The following DST variants were observed in gnomAD, a reference collection of about 807,000 sequenced individuals.
DST encodes dystonin, also known as bullous pemphigoid antigen.
Under a neutral mutation model 875.2 loss-of-function variants are expected in DST, and 253 were observed. That is an observed-to-expected ratio of 0.29 (90% confidence interval 0.26 to 0.32). The LOEUF (loss-of-function observed/expected upper bound fraction) is 0.32, where lower values mean the gene tolerates loss of function less well. Among genes scored for constraint, DST ranks in the 10% least tolerant of loss-of-function variants. DST has a pLI of 1.00. For missense variants in DST, 8,287 were observed against 9,111.6 expected (o/e 0.91, Z 3.68); for synonymous variants, 3,124 against 3,197.1 (o/e 0.98, Z 0.77).
At chr6:56,756,532 G>A (rs1016244572) in intron 4 of DST, among the ~76,000 whole-genome samples, 1 of 152,138 alleles carries the variant, frequency 6.6e-6, no homozygotes, top group Non-Finnish European at 1.5e-5. Context: ...GGAAGCAGGG[G>A]TCCTAAAAGC....
At chr6:56,752,186 C>T (rs953991139) in intron 4 of DST, among the ~76,000 whole-genome samples, 3 of 151,934 alleles carry the variant, frequency 2.0e-5, no homozygotes, top group Non-Finnish European at 2.9e-5. Flanking sequence ...GTGCTAAGCA[C>T]TGGCAATACA....
intron 53 of DST, among the ~76,000 whole-genome samples, chr6:56,570,528 G>C (rs982197741): frequency 6.6e-6 from 1 of 152,040 alleles, no homozygotes; most frequent in Non-Finnish European, 1.5e-5. Flanking sequence ...TGCCTCTGAC[G>C]ATCTGACAGG....
chr6:56,494,745 TAA>T (rs1204037130), intron 82 of DST, among the ~76,000 whole-genome samples: 1 of 152,132 alleles, frequency 6.6e-6, no homozygotes, highest in Admixed American at 6.6e-5. Flanking sequence ...AGAACATTTC[TAA>T]AGCTTCTAAC....
In DST at chr6:56,515,377, A is replaced by G. The variant is rs1012031064; in HGVS notation, c.18576+73T>C. ...CTTAATCATGTAAGTGTTTAACTGTACTAAAAACCACCATAAAAATCATGA... is the reference window on the plus strand; with the variant it reads ...CTTAATCATGTAAGTGTTTAACTGTGCTAAAAACCACCATAAAAATCATGA... On this transcript the variant is annotated intron_variant, in intron 72 of 103. Coordinates refer to ENST00000680361, the MANE Select transcript of DST (RefSeq NM_001374736.1). 7 of 1,520,694 alleles carry G rather than the reference A, an allele frequency of 4.6e-6. No individual in the cohort carries two copies. In the African/African-American group the frequency reaches 8.2e-5, roughly 18 times the overall value. The allele number at this position is 1,520,694 out of a possible 1,614,324, so 94.2% of individuals were successfully genotyped here. A position where few individuals can be genotyped will look rare whatever the true frequency, so the allele number is the denominator to read the frequency against.
At chr6:56,561,973 A>C (rs2097541575) in intron 56 of DST, among the ~76,000 whole-genome samples, 165 bp downstream of exon 56, 1 of 152,170 alleles carries the variant, frequency 6.6e-6, no homozygotes, top group African/African-American at 2.4e-5. Flanking sequence ...ACTGCAAAAA[A>C]TGTTATATAA....
At chr6:56,947,610 T>C (rs188733307) in intron 2 of DST, among the ~76,000 whole-genome samples, 2 of 152,334 alleles carry the variant, frequency 1.3e-5, no homozygotes, top group Admixed American at 6.5e-5. Flanking sequence ...AATAATGTTA[T>C]GTCAAAGCCT....
At chr6:56,692,585 G>A in intron 9 of DST, 1 of 1,289,774 alleles carries the variant, frequency 7.8e-7, no homozygotes, top group Non-Finnish European at 1.0e-6. Flanking sequence ...ATACCCGAGG[G>A]AATAGAGCTT....
intron 2 of DST, among the ~76,000 whole-genome samples, chr6:56,901,295 T>A (rs1793951251): frequency 6.6e-6 from 1 of 152,180 alleles, no homozygotes; most frequent in South Asian, 2.1e-4. Flanking sequence ...TTAAATAACA[T>A]AAATATAAGT....
At chr6:56,525,680 T>C (rs2096784821) in intron 69 of DST, among the ~76,000 whole-genome samples, 1 of 152,222 alleles carries the variant, frequency 6.6e-6, no homozygotes, top group Non-Finnish European at 1.5e-5. Flanking sequence ...TGACTTAATA[T>C]AAATATTCAC....
rs1277993944 is a variant in DST at position 56,954,761 on chromosome 6, C to T, written c.-174G>A. 1 of 195,082 alleles carries T rather than the reference C, an allele frequency of 5.1e-6. No homozygotes were observed. The highest frequency in any genetic ancestry group is 1.9e-4 in the East Asian group (1 of 5,376). The allele number at this position is 195,082 out of a possible 1,614,324, so 12.1% of individuals were successfully genotyped here. A position where few individuals can be genotyped will look rare whatever the true frequency, so the allele number is the denominator to read the frequency against. ...GGCTGCGCACCCCGCGCCAGCCGCG[C>T]TACGCGAGTGATCCAGGGCTGCGGG... is the stretch of plus-strand genomic sequence containing the variant. On this transcript the variant is annotated 5_prime_UTR_variant, in exon 1 of 104. The change abolishes the stop of an existing upstream ORF in the 5' untranslated region. Transcript: ENST00000680361.
chr6:56,836,161 TGTA>T (rs1026994984), intron 4 of DST, among the ~76,000 whole-genome samples: 2 of 152,190 alleles, frequency 1.3e-5, no homozygotes, highest in Admixed American at 6.5e-5. Flanking sequence ...CTGAGAAAGT[TGTA>T]GTATTAATCA....
At chr6:56,524,890 C>A (rs2152503172) in intron 69 of DST, among the ~76,000 whole-genome samples, 1 of 150,658 alleles carries the variant, frequency 6.6e-6, no homozygotes, top group South Asian at 2.1e-4. Flanking sequence ...TTGAGAAAAT[C>A]TTGAAATTTT....
intron 4 of DST, among the ~76,000 whole-genome samples, chr6:56,801,630 G>A (rs1311658759): frequency 4.0e-5 from 6 of 151,728 alleles, no homozygotes; most frequent in Admixed American, 3.9e-4. Flanking sequence ...TGTTCATAAA[G>A]GACTTACATA....
At chr6:56,882,882 C>G (rs1782881848) in intron 3 of DST, among the ~76,000 whole-genome samples, 1 of 152,060 alleles carries the variant, frequency 6.6e-6, no homozygotes, top group Admixed American at 6.6e-5. Context: ...TCTTTTCCCC[C>G]CCAAGACAGA....
At chr6:56,668,604 A>T (rs544341385) in intron 10 of DST, among the ~76,000 whole-genome samples, 40 of 151,910 alleles carry the variant, frequency 2.6e-4, no homozygotes, top group African/African-American at 7.2e-4. Flanking sequence ...AAAAATTTTA[A>T]AAAATTTAAA....
chr6:56,769,625 G>A (rs994511169), intron 4 of DST, among the ~76,000 whole-genome samples: 4 of 152,124 alleles, frequency 2.6e-5, no homozygotes, highest in African/African-American at 9.7e-5. Context: ...GGACCAGCCT[G>A]GGCAACATGG....
chr6:56,798,563 G>T (rs1191499666), intron 4 of DST, among the ~76,000 whole-genome samples: 1 of 152,090 alleles, frequency 6.6e-6, no homozygotes, highest in Non-Finnish European at 1.5e-5. Flanking sequence ...TGATGGAGAG[G>T]TACAAGCAAA....
At chr6:56,546,488 C>A (rs1356278995) in intron 61 of DST, among the ~76,000 whole-genome samples, 20 of 135,582 alleles carry the variant, frequency 1.5e-4, no homozygotes, top group South Asian at 4.5e-4. Flanking sequence ...AAAAAAAAAA[C>A]AAACAAAATC....
chr6:56,897,999 A>G (rs1792285280), intron 3 of DST, among the ~76,000 whole-genome samples: 1 of 152,154 alleles, frequency 6.6e-6, no homozygotes, highest in South Asian at 2.1e-4. Flanking sequence ...GGCTCCACCT[A>G]TAGGCTGATG....
Sources: allele counts gnomAD v4.1 joint callset (sites outside exome capture counted in the v4.1 genomes callset), GRCh38; gene constraint gnomAD v4.1.1; transcripts MANE v1.5; gene names NCBI Gene and HGNC (gene_info 2026-07-23, HGNC 2026-07-21).